The following HK1 variants were observed in gnomAD, a reference collection of about 807,000 sequenced individuals.
HK1 encodes the protein hexokinase-1.
In HK1, 28 loss-of-function variants were observed where a neutral mutation model predicts 91.6. That is an observed-to-expected ratio of 0.31 (90% CI 0.23 to 0.42). The LOEUF (loss-of-function observed/expected upper bound fraction) is 0.42. Among genes scored for constraint, HK1 ranks in the 10% least tolerant of loss-of-function variants. HK1 has a pLI of 1.00. For missense variants in HK1, 770 were observed against 1,219.8 expected, an observed-to-expected ratio of 0.63 and a Z score of 5.49; for synonymous variants, 430 against 468.1, an observed-to-expected ratio of 0.92 and a Z score of 1.05.
At chr10:69,345,343 C>T (rs1302256861) in intron 2 of HK1, among the ~76,000 whole-genome samples, 1 of 152,188 alleles carries the variant, frequency 6.6e-6, no homozygotes, top group Non-Finnish European at 1.5e-5. Context: ...TTCTGGCCAT[C>T]AGAGTGAATA....
intron 1 of HK1, among the ~76,000 whole-genome samples, chr10:69,333,681 C>CCCTAGCG (rs1291579176): frequency 6.6e-6 from 1 of 152,068 alleles, no homozygotes; most frequent in Non-Finnish European, 1.5e-5. Flanking sequence ...AACTGCACAG[C>CCCTAGCG]CCTAGGTTCC....
intron 14 of HK1, 152 bp downstream of exon 14, chr10:69,389,448 C>A: frequency 2.3e-6 from 1 of 433,350 alleles, no homozygotes. Flanking sequence ...CAGGGCTGGA[C>A]GAAGGCAGCA....
At chr10:69,375,303 C>G (rs1401818337) in intron 7 of HK1, among the ~76,000 whole-genome samples, 1 of 152,214 alleles carries the variant, frequency 6.6e-6, no homozygotes, top group Admixed American at 6.5e-5. Flanking sequence ...TATAACCTTA[C>G]AGGAAAGCAG....
intron 1 of HK1, chr10:69,271,065 C>T (rs532197090): frequency 6.6e-6 from 1 of 152,158 alleles, no homozygotes; most frequent in Non-Finnish European, 1.5e-5. Context: ...GCACTGAAGA[C>T]CAAAAGAAAT....
intron 1 of HK1, among the ~76,000 whole-genome samples, chr10:69,322,164 A>G (rs905067013): frequency 6.6e-6 from 1 of 152,210 alleles, no homozygotes; most frequent in Non-Finnish European, 1.5e-5. Flanking sequence ...CTTGGCTTCT[A>G]AAGAAAGATT....
At chr10:69,379,773 G>C (rs1839293547) in intron 8 of HK1, 89 bp from the exon 9 acceptor site, 1 of 921,784 alleles carries the variant, frequency 1.1e-6, no homozygotes, top group African/African-American at 1.6e-5. Flanking sequence ...GGTAAGTGGG[G>C]CTGTCCCTTT....
chr10:69,396,270 C>CA (rs1307475339), intron 16 of HK1, among the ~76,000 whole-genome samples: 2,897 of 62,078 alleles, frequency 0.047, 102 homozygotes, highest in African/African-American at 0.12. Context: ...GACTCTGTCT[C>CA]AAAAAAAAAA....
chr10:69,378,275 C>T (rs1839214104), intron 8 of HK1, among the ~76,000 whole-genome samples: 1 of 149,128 alleles, frequency 6.7e-6, no homozygotes, highest in African/African-American at 2.5e-5. Flanking sequence ...CCAGCTAGCT[C>T]AAGAAAGCAT....
At chr10:69,283,158 A>G (rs1486285790) in intron 2 of HK1, among the ~76,000 whole-genome samples, 2 of 143,440 alleles carry the variant, frequency 1.4e-5, no homozygotes, top group African/African-American at 5.2e-5. Flanking sequence ...GAATGAAGGT[A>G]TAATCTGGCA....
chr10:69,366,295 T>C (rs1295799745), intron 4 of HK1, among the ~76,000 whole-genome samples: 2 of 152,324 alleles, frequency 1.3e-5, no homozygotes, highest in African/African-American at 4.8e-5. Context: ...TGCTCGTAAC[T>C]GGTCTACTCT....
chr10:69,295,915 T>C (rs1430039220), intron 4 of HK1, among the ~76,000 whole-genome samples: 1 of 152,144 alleles, frequency 6.6e-6, no homozygotes, highest in African/African-American at 2.4e-5. Flanking sequence ...CTTAGCCCTT[T>C]CTTGGAAGCA....
intron 7 of HK1, among the ~76,000 whole-genome samples, chr10:69,375,103 T>C (rs530738309): frequency 6.6e-6 from 1 of 152,340 alleles, no homozygotes; most frequent in East Asian, 1.9e-4. Flanking sequence ...AACCTTTCTG[T>C]GCCTCTGTTT....
chr10:69,369,721 G>T lies in HK1; in HGVS notation c.875+97G>T. On this transcript the variant is annotated intron_variant, in intron 7 of 17. Coordinates refer to ENST00000359426, the MANE Select transcript of HK1 (RefSeq NM_000188.3). The surrounding 1 kb of genome is among the most constrained non-coding windows in gnomAD (Gnocchi z 4.4). The stretch of plus-strand genomic sequence containing the variant: ...AGATGAAAAGGGCATAAAGCCAAGT[G>T]ATCACAAACAGAAAAGCCTGTCACA... 1 of 1,175,574 alleles carries T rather than the reference G, an allele frequency of 8.5e-7. No homozygotes were observed. Among genetic ancestry groups the T allele is most frequent in the South Asian group, 1.3e-5 (1 of 76,686 alleles). The allele number at this position is 1,175,574 out of a possible 1,614,324, so 72.8% of individuals were successfully genotyped here.
chr10:69,338,135 G>A (rs1848091475), intron 1 of HK1: 2 of 594,214 alleles, frequency 3.4e-6, no homozygotes, highest in Admixed American at 5.1e-5. Flanking sequence ...GGGAGCCGCT[G>A]AGAGCTTCAA....
intron 14 of HK1, 76 bp downstream of exon 14, chr10:69,389,372 G>A: frequency 1.9e-6 from 2 of 1,030,110 alleles, no homozygotes; most frequent in African/African-American, 1.6e-5. Context: ...CCTTGGCCCA[G>A]CAGCTTGGTC....
intron 7 of HK1, among the ~76,000 whole-genome samples, chr10:69,371,930 T>C (rs1035561007): frequency 4.6e-5 from 7 of 152,164 alleles, no homozygotes; most frequent in African/African-American, 1.7e-4. Context: ...TTGAATATGT[T>C]TCTCAGTTGT....
At chr10:69,310,441 A>T (rs1589463736) in intron 5 of HK1, among the ~76,000 whole-genome samples, 1 of 148,938 alleles carries the variant, frequency 6.7e-6, no homozygotes, top group East Asian at 2.0e-4. Flanking sequence ...AAAAAAAAAA[A>T]ATCCTTTCTA....
intron 7 of HK1, among the ~76,000 whole-genome samples, chr10:69,376,679 C>A (rs1187396072): frequency 1.3e-5 from 2 of 152,184 alleles, no homozygotes; most frequent in Non-Finnish European, 2.9e-5. Flanking sequence ...GCCTTCCCTG[C>A]CTGCTCCTGC....
intron 1 of HK1, among the ~76,000 whole-genome samples, chr10:69,339,754 C>T (rs1848200180): frequency 6.6e-6 from 1 of 152,152 alleles, no homozygotes; most frequent in African/African-American, 2.4e-5. Context: ...GCGGGAAAAC[C>T]CCAACAGCTC....
Sources: allele counts gnomAD v4.1 joint callset (sites outside exome capture counted in the v4.1 genomes callset), GRCh38; gene constraint gnomAD v4.1.1; non-coding constraint Gnocchi (gnomAD v3.1); transcripts MANE v1.5; gene names NCBI Gene and HGNC (gene_info 2026-07-23, HGNC 2026-07-21).